OOSP4B: variants seen among roughly 807,000 people sequenced by gnomAD.
OOSP4B encodes the protein oocyte secreted protein family member 4B.
chr11:60,029,157 T>C (rs1854778117), intron 3 of OOSP4B, among the ~76,000 whole-genome samples: 1 of 152,196 alleles, frequency 6.6e-6, no homozygotes, highest in African/African-American at 2.4e-5. Flanking sequence ...CCTTTACACA[T>C]GTACTCTGAA....
intron 3 of OOSP4B, among the ~76,000 whole-genome samples, chr11:60,027,655 T>TAAAAAAAAAAAAAGAAAAA (rs1854757186): frequency 1.6e-5 from 1 of 62,222 alleles, no homozygotes. Context: ...GCTATGATAT[T>TAAAAAAAAAAAAAGAAAAA]AAAAAAAAAA....
At chr11:60,018,512 C>A (rs1231939046) in intron 1 of OOSP4B, among the ~76,000 whole-genome samples, 1 of 152,182 alleles carries the variant, frequency 6.6e-6, no homozygotes, top group African/African-American at 2.4e-5. Flanking sequence ...CACTTTAAGG[C>A]ACATATTTGT....
At chr11:60,026,151 C>A (rs139611218) in intron 3 of OOSP4B, among the ~76,000 whole-genome samples, 1 of 152,064 alleles carries the variant, frequency 6.6e-6, no homozygotes, top group Non-Finnish European at 1.5e-5. Flanking sequence ...GATGAGCAGA[C>A]GTCTTTAATT....
chr11:60,022,832 A>C (rs1854707550), intron 1 of OOSP4B, among the ~76,000 whole-genome samples: 1 of 152,032 alleles, frequency 6.6e-6, no homozygotes, highest in South Asian at 2.1e-4. Flanking sequence ...TGTTCCTAGG[A>C]TATAGCCACA....
intron 3 of OOSP4B, among the ~76,000 whole-genome samples, chr11:60,027,318 A>G (rs1329233420): frequency 1.3e-5 from 2 of 152,018 alleles, no homozygotes; most frequent in Non-Finnish European, 2.9e-5. Context: ...CCTGGCTAAG[A>G]TTTTGGTGGT....
At chr11:60,026,178 A>G (rs1854744916) in intron 3 of OOSP4B, among the ~76,000 whole-genome samples, 1 of 152,168 alleles carries the variant, frequency 6.6e-6, no homozygotes, top group Non-Finnish European at 1.5e-5. Context: ...TTTAATTTAT[A>G]GACTCTTCCT....
exon 1 of OOSP4B, chr11:60,017,259 G>A (rs1466705674): frequency 2.5e-6 from 1 of 397,244 alleles, no homozygotes; most frequent in Admixed American, 4.4e-5. Context: ...AGATGCTAAG[G>A]GGTTTCCCTG....
chr11:60,020,613 C>A (rs147170334), intron 1 of OOSP4B, among the ~76,000 whole-genome samples: 1 of 152,218 alleles, frequency 6.6e-6, no homozygotes, highest in African/African-American at 2.4e-5. Flanking sequence ...CACACCTCCC[C>A]GCAAGCTGAG....
chr11:60,029,146 C>T (rs1162281615), intron 3 of OOSP4B, among the ~76,000 whole-genome samples: 1 of 152,188 alleles, frequency 6.6e-6, no homozygotes, highest in Admixed American at 6.5e-5. Flanking sequence ...ATTTTAGCCT[C>T]CCTTTACACA....
At chr11:60,029,919 G>A (rs1252705676) in exon 4 of OOSP4B, 2 of 398,212 alleles carry the variant, frequency 5.0e-6, no homozygotes, top group Admixed American at 8.8e-5. Context: ...AATTTTAACA[G>A]TGTTAATAAG....
At position 60,025,170 on chromosome 11, in the gene OOSP4B, G is replaced by C. The variant is rs1854735493; in HGVS notation, c.302+165G>C. Among the ~76,000 whole-genome samples, 2 of 152,096 alleles carry C rather than the reference G, an allele frequency of 1.3e-5. 1 individual carries two copies. Among genetic ancestry groups the C allele is most frequent in the South Asian group, 4.1e-4 (2 of 4,822 alleles). On this transcript the variant is annotated intron_variant, in intron 3 of 4. Coordinates refer to ENST00000642343, the Ensembl canonical transcript of OOSP4B. ...AATGTTCAAATGTACAGAATTGAAG[G>C]AATTTATATATAGTACCTAGATTCT...
At chr11:60,026,650 G>A (rs1854748891) in intron 3 of OOSP4B, among the ~76,000 whole-genome samples, 1 of 152,178 alleles carries the variant, frequency 6.6e-6, no homozygotes, top group East Asian at 1.9e-4. Flanking sequence ...CTTGAAATCA[G>A]CTTTTAAAAG....
intron 1 of OOSP4B, among the ~76,000 whole-genome samples, chr11:60,023,469 C>G (rs752884697): frequency 2.6e-5 from 4 of 152,118 alleles, no homozygotes; most frequent in Non-Finnish European, 4.4e-5. Flanking sequence ...GGGTCTCACT[C>G]TGTTGCCCAG....
chr11:60,020,669 T>G (rs1341096898), intron 1 of OOSP4B, among the ~76,000 whole-genome samples: 1 of 152,216 alleles, frequency 6.6e-6, no homozygotes, highest in Non-Finnish European at 1.5e-5. Context: ...GCTCCCACAG[T>G]GCAGCGGCGG....
chr11:60,021,156 G>C (rs1854687262), intron 1 of OOSP4B, among the ~76,000 whole-genome samples: 1 of 152,156 alleles, frequency 6.6e-6, no homozygotes, highest in African/African-American at 2.4e-5. Flanking sequence ...AGCTCTGAAT[G>C]TTGGTACCTC....
intron 3 of OOSP4B, among the ~76,000 whole-genome samples, chr11:60,028,395 A>G (rs1854767902): frequency 6.6e-6 from 1 of 151,974 alleles, no homozygotes; most frequent in African/African-American, 2.4e-5. Flanking sequence ...CGAACTCCTG[A>G]CCTCAAGTGA....
chr11:60,020,647 G>C (rs558751343), intron 1 of OOSP4B, among the ~76,000 whole-genome samples: 2 of 152,364 alleles, frequency 1.3e-5, no homozygotes, highest in South Asian at 4.1e-4. Context: ...GCCTTGGCCA[G>C]CCCAGAAAGG....
chr11:60,029,819 G>A, exon 4 of OOSP4B: 1 of 398,398 alleles, frequency 2.5e-6, no homozygotes, highest in Non-Finnish European at 4.4e-6. Flanking sequence ...TGGAATGAGT[G>A]GGTTTGATGC....
At chr11:60,017,955 C>A (rs1015431474) in intron 1 of OOSP4B, among the ~76,000 whole-genome samples, 3 of 152,088 alleles carry the variant, frequency 2.0e-5, no homozygotes, top group African/African-American at 7.2e-5. Context: ...CAGTTGAGCC[C>A]CAGCATTGTA....
Sources: gnomAD v4.1 joint callset for allele counts (sites outside exome capture counted in the v4.1 genomes callset) on GRCh38, gnomAD v4.1.1 for gene constraint, MANE v1.5 for transcripts, NCBI Gene and HGNC (gene_info 2026-07-23, HGNC 2026-07-21) for gene names.